Variants in ADAMTS19 observed in about 807,000 individuals in gnomAD.
The protein encoded by ADAMTS19 is ADAM metallopeptidase with thrombospondin type 1 motif 19, also known as A disintegrin and metalloproteinase with thrombospondin motifs 19.
A neutral mutation model predicts 153.3 loss-of-function variants in ADAMTS19; 93 were observed. The observed-to-expected ratio is 0.61, with a 90% CI of 0.51 to 0.72. The LOEUF is 0.72. Ranked by LOEUF, ADAMTS19 falls within the 30% of genes least tolerant of loss-of-function variation. The pLI is 0.00. For missense variants in ADAMTS19, 1,482 were observed against 1,552.1 expected, an observed-to-expected ratio of 0.95 and a Z score of 0.76; for synonymous variants, 600 against 556.6, an observed-to-expected ratio of 1.08 and a Z score of -1.10.
At chr5:129,622,665 A>T (rs1751833641) in intron 10 of ADAMTS19, among the ~76,000 whole-genome samples, 1 of 152,114 alleles carries the variant, frequency 6.6e-6, no homozygotes, top group African/African-American at 2.4e-5. Context: ...TCTCTCCATT[A>T]TCTGCAGGAA....
intron 13 of ADAMTS19, among the ~76,000 whole-genome samples, chr5:129,652,930 G>A (rs1321553879): frequency 3.9e-5 from 6 of 152,096 alleles, no homozygotes; most frequent in African/African-American, 1.2e-4. Flanking sequence ...AGGTGTGAGA[G>A]CACACGGAAA....
intron 16 of ADAMTS19, among the ~76,000 whole-genome samples, chr5:129,670,232 C>A (rs1561639672): frequency 6.6e-6 from 1 of 152,048 alleles, no homozygotes; most frequent in Non-Finnish European, 1.5e-5. Context: ...TAAATTCTTG[C>A]TTTTCTAATG....
intron 18 of ADAMTS19, among the ~76,000 whole-genome samples, chr5:129,692,205 T>A (rs1417343613): frequency 6.6e-6 from 1 of 152,076 alleles, no homozygotes; most frequent in Non-Finnish European, 1.5e-5. Context: ...CTGCATAATA[T>A]CTATTTGATA....
rs141743571 is a variant in ADAMTS19, at chr5:129,471,450, A to AGAAGGAAGGAAGGAAGGAAGGAAG, written c.747+9705_747+9728dup. On this transcript the variant is annotated intron_variant, in intron 2 of 22. Coordinates refer to ENST00000274487, the MANE Select transcript of ADAMTS19 (RefSeq NM_133638.6). ...AAAGAAAGGAAGGAAAGAAAGAAAA[A>AGAAGGAAGGAAGGAAGGAAGGAAG]GAAGGAAGGAAGGAAGGAAGGAAGG... Among the ~76,000 whole-genome samples, 492 of 146,626 alleles carry AGAAGGAAGGAAGGAAGGAAGGAAG rather than the reference A, an allele frequency of 3.4e-3. 3 individuals are homozygous for AGAAGGAAGGAAGGAAGGAAGGAAG. Among genetic ancestry groups the AGAAGGAAGGAAGGAAGGAAGGAAG allele is most frequent in the African/African-American group, 0.011 (430 of 38,528 alleles).
chr5:129,537,656 C>T (rs1255172607), intron 6 of ADAMTS19, among the ~76,000 whole-genome samples: 1 of 151,954 alleles, frequency 6.6e-6, no homozygotes, highest in African/African-American at 2.4e-5. Context: ...AACCATCATT[C>T]TCAGCAAACT....
chr5:129,467,119 C>G (rs1749891669), intron 2 of ADAMTS19, among the ~76,000 whole-genome samples: 1 of 152,038 alleles, frequency 6.6e-6, no homozygotes, highest in East Asian at 1.9e-4. Flanking sequence ...TTGTACCTAC[C>G]TGTGTTCAGA....
At chr5:129,543,309 C>T (rs1428625101) in intron 6 of ADAMTS19, among the ~76,000 whole-genome samples, 2 of 152,166 alleles carry the variant, frequency 1.3e-5, no homozygotes, top group East Asian at 3.9e-4. Context: ...GCCTCGGCCT[C>T]CCAAAGTGCT....
At chr5:129,479,716 A>G (rs1471771916) in intron 2 of ADAMTS19, among the ~76,000 whole-genome samples, 6 of 152,214 alleles carry the variant, frequency 3.9e-5, no homozygotes, top group Non-Finnish European at 8.8e-5. Context: ...TAAAAACATG[A>G]GACACTTAAA....
chr5:129,607,331 T>C (rs752960294), intron 8 of ADAMTS19, among the ~76,000 whole-genome samples: 1 of 152,224 alleles, frequency 6.6e-6, no homozygotes, highest in Non-Finnish European at 1.5e-5. Context: ...GGTTCCCAAC[T>C]GAATAGCAAT....
At chr5:129,710,873 G>A (rs758389354) in intron 21 of ADAMTS19, among the ~76,000 whole-genome samples, 29 of 152,128 alleles carry the variant, frequency 1.9e-4, no homozygotes, top group Non-Finnish European at 3.4e-4. Context: ...GATGTCTAAT[G>A]TTTTTTGCTT....
intron 10 of ADAMTS19, among the ~76,000 whole-genome samples, chr5:129,623,786 G>A (rs1417446382): frequency 6.6e-6 from 1 of 151,984 alleles, no homozygotes; most frequent in Non-Finnish European, 1.5e-5. Flanking sequence ...ATTAAAATGA[G>A]TGAATGTATG....
At chr5:129,682,093 G>GTTAA (rs1754844626) in intron 17 of ADAMTS19, among the ~76,000 whole-genome samples, 1 of 152,132 alleles carries the variant, frequency 6.6e-6, no homozygotes, top group Admixed American at 6.5e-5. Flanking sequence ...CTTAGTGTTG[G>GTTAA]GTGGAGGGAG....
intron 21 of ADAMTS19, among the ~76,000 whole-genome samples, chr5:129,715,224 G>A (rs1017780750): frequency 6.6e-6 from 1 of 151,846 alleles, no homozygotes; most frequent in Non-Finnish European, 1.5e-5. Context: ...TATAAAACTC[G>A]TTAACAGTTT....
intron 21 of ADAMTS19, among the ~76,000 whole-genome samples, chr5:129,727,398 C>G (rs1757250418): frequency 6.6e-6 from 1 of 152,098 alleles, no homozygotes; most frequent in African/African-American, 2.4e-5. Context: ...ACCATATAAC[C>G]TGAGTTATAC....
chr5:129,605,629 T>A (rs1025536252), intron 8 of ADAMTS19, among the ~76,000 whole-genome samples: 5 of 152,198 alleles, frequency 3.3e-5, no homozygotes, highest in African/African-American at 1.2e-4. Flanking sequence ...ACCCTATGTC[T>A]CTTTCTTCTG....
intron 7 of ADAMTS19, among the ~76,000 whole-genome samples, chr5:129,559,185 A>G (rs573581758): frequency 5.4e-4 from 82 of 152,254 alleles, no homozygotes; most frequent in African/African-American, 1.7e-3. Context: ...TGAAGACATT[A>G]CAATGTGAAA....
chr5:129,695,073 G>A (rs1453292144), intron 19 of ADAMTS19, among the ~76,000 whole-genome samples: 3 of 152,186 alleles, frequency 2.0e-5, no homozygotes, highest in African/African-American at 7.2e-5. Context: ...GATGGTTGCT[G>A]AGGAGTAATT....
intron 6 of ADAMTS19, among the ~76,000 whole-genome samples, chr5:129,531,072 TTTAGTAAAATA>T (rs144461040): frequency 2.9e-5 from 3 of 101,770 alleles, no homozygotes; most frequent in Non-Finnish European, 5.8e-5. Flanking sequence ...TAAGAAGAAT[TTTAGTAAAATA>T]TGTGTACAAC....
chr5:129,549,823 C>T (rs1223486855), intron 6 of ADAMTS19, among the ~76,000 whole-genome samples: 2 of 141,578 alleles, frequency 1.4e-5, no homozygotes, highest in African/African-American at 2.6e-5. Flanking sequence ...TACATGTATC[C>T]GTATATGTAT....
Sources: gnomAD v4.1 joint callset for allele counts (sites outside exome capture counted in the v4.1 genomes callset) on GRCh38, gnomAD v4.1.1 for gene constraint, MANE v1.5 for transcripts, NCBI Gene and HGNC (gene_info 2026-07-23, HGNC 2026-07-21) for gene names.